SLC23A1: variants seen among roughly 807,000 people sequenced by gnomAD.
SLC23A1 encodes solute carrier family 23 member 1, also known as Na(+)/L-ascorbic acid transporter 1.
In SLC23A1, 31 loss-of-function variants were observed where a neutral mutation model predicts 62.5. The observed-to-expected ratio is 0.50, with a 90% CI of 0.37 to 0.67. SLC23A1 has a LOEUF of 0.67. SLC23A1 is among the 30% of genes least tolerant of loss of function. SLC23A1 has a pLI of 0.00. For missense variants in SLC23A1, 640 were observed against 782.7 expected (o/e 0.82, Z 2.18); for synonymous variants, 271 against 313.2 (o/e 0.87, Z 1.42).
upstream of SLC23A1, chr5:139,384,715 G>A (rs563972627): frequency 2.2e-4 from 218 of 985,334 alleles, no homozygotes; most frequent in Non-Finnish European, 2.5e-4. Context: ...TGGAGAACAC[G>A]GTCCCAGATC....
chr5:139,372,793 C>T (rs1167221455), intron 13 of SLC23A1, among the ~76,000 whole-genome samples: 4 of 152,090 alleles, frequency 2.6e-5, no homozygotes, highest in Middle Eastern at 3.2e-3. Context: ...CTATGTTGGT[C>T]AGGCTGGTCT....
Position 139,383,259 on chromosome 5 carries a change from G to A in SLC23A1, c.-6C>T, listed in dbSNP as rs779275919. The A allele has an allele frequency of 2.5e-6, 4 of 1,594,184 alleles. No individual in the cohort carries two copies. In the Admixed American group the frequency reaches 7.0e-5, roughly 28 times the overall value. ...AGGTCCTCCTGGGCCCTCATCTTTG[G>A]GGCACAGGTTTGAGCAGTTCCTGAG... On this transcript the variant is annotated 5_prime_UTR_variant, in exon 1 of 15. Transcript: ENST00000348729.
Position 139,379,376 on chromosome 5 carries a change from A to T in SLC23A1, c.926-22T>A, listed in dbSNP as rs541083735. ...TGACCTGTGCTCGGAGGGAGACAGG[A>T]TGGTGGCTACAGTGAGGAGACTGTG... On this transcript the variant is annotated intron_variant, in intron 8 of 14. Transcript: ENST00000348729. The surrounding 1 kb of genome is among the most constrained non-coding windows in gnomAD (Gnocchi z 4.7). 199 of 1,612,802 alleles carry T rather than the reference A, an allele frequency of 1.2e-4. 1 individual carries two copies. In the South Asian group the frequency reaches 2.0e-3, roughly 16 times the overall value.
intron 2 of SLC23A1, 187 bp downstream of exon 2, chr5:139,382,305 C>A: frequency 5.0e-6 from 3 of 600,650 alleles, no homozygotes; most frequent in Non-Finnish European, 8.9e-6. Context: ...TGGCAAGCGT[C>A]ACACTCCCCC....
intron 13 of SLC23A1, among the ~76,000 whole-genome samples, chr5:139,373,606 C>T (rs1757795593): frequency 6.6e-6 from 1 of 152,154 alleles, no homozygotes; most frequent in African/African-American, 2.4e-5. Flanking sequence ...TGGGAATTTC[C>T]ACTTGCTGGC....
upstream of SLC23A1, chr5:139,383,397 G>C (rs1014495080): frequency 6.9e-7 from 1 of 1,459,644 alleles, no homozygotes; most frequent in Middle Eastern, 2.1e-4. Flanking sequence ...GCGAAAGGGG[G>C]GCCCGGGCAG....
At chr5:139,371,623 G>A (rs1243105940) in intron 14 of SLC23A1, among the ~76,000 whole-genome samples, 1 of 152,246 alleles carries the variant, frequency 6.6e-6, no homozygotes, top group Non-Finnish European at 1.5e-5. Context: ...GCATATCAAA[G>A]TGATACTTGT....
chr5:139,375,538 T>G (rs750557724), intron 13 of SLC23A1, among the ~76,000 whole-genome samples: 14 of 152,002 alleles, frequency 9.2e-5, no homozygotes, highest in Admixed American at 2.0e-4. Context: ...ACCCCCATCT[T>G]AATTTAAAAA....
In SLC23A1 at chr5:139,383,082, C is replaced by G. The variant is rs544883527; in HGVS notation, c.36+136G>C. On this transcript the variant is annotated intron_variant, in intron 1 of 14. Coordinates refer to ENST00000348729, the MANE Select transcript of SLC23A1 (RefSeq NM_005847.5). ...ACCTCCACCCATCCCCCAGTTGCCA[C>G]ATTCAATTTGGGACAGTCACTCTTA... 6.8e-5 allele frequency: 42 copies of G among 618,668 alleles called. No individual in the cohort carries two copies. The South Asian group carries it at 1.0e-3, about 15-fold the overall frequency. 38.3% of individuals were successfully genotyped at this position (618,668 alleles called of 1,614,324 possible). A position where few individuals can be genotyped will look rare whatever the true frequency, so the allele number is the denominator to read the frequency against.
At chr5:139,380,922 G>C (rs1364725207) in intron 3 of SLC23A1, 36 bp from the exon 4 acceptor site, 1 of 780,940 alleles carries the variant, frequency 1.3e-6, no homozygotes. Flanking sequence ...GGGTGGGGAG[G>C]GGCGGGTGGG....
rs770748788 is a variant in SLC23A1, at chr5:139,377,420, G to C, written c.1531C>G (p.Leu511Val). The C allele has an allele frequency of 6.2e-7, 1 of 1,601,216 alleles. No homozygotes were observed. Among genetic ancestry groups the C allele is most frequent in the African/African-American group, 1.3e-5 (1 of 74,812 alleles). Reference sequence around the variant, plus strand: ...ACCATACCTGGCACTGTGTTGTCAAGTATGAAAGCAAGGCACCCGCCCACA... The same window carrying C: ...ACCATACCTGGCACTGTGTTGTCAACTATGAAAGCAAGGCACCCGCCCACA... ...MFVGGCLAFI[L>V]DNTVPGSPEE... The change falls in exon 13 of 15, where the codon CTT becomes GTT. Residue 511 changes from leucine (L) to valine (V), a missense_variant. By Grantham distance (32) the Leu-to-Val change is conservative. Transcript: ENST00000348729.
At chr5:139,384,543 T>C, upstream of SLC23A1, 7 of 1,289,318 alleles carry the variant, frequency 5.4e-6, no homozygotes, top group Non-Finnish European at 6.1e-6. Flanking sequence ...CCAAAGTTGC[T>C]GGACCAGTTT....
intron 13 of SLC23A1, among the ~76,000 whole-genome samples, chr5:139,372,776 G>A (rs1757744289): frequency 6.6e-6 from 1 of 151,924 alleles, no homozygotes. Context: ...GTAGAGACGG[G>A]GTGTCACTAT....
intron 14 of SLC23A1, among the ~76,000 whole-genome samples, chr5:139,368,253 T>C (rs1212230302): frequency 6.6e-6 from 1 of 151,520 alleles, no homozygotes; most frequent in Non-Finnish European, 1.5e-5. Flanking sequence ...GACAGGAGAA[T>C]GGTGTGAACC....
intron 14 of SLC23A1, chr5:139,369,030 G>A (rs913250478): frequency 1.4e-4 from 54 of 394,342 alleles, no homozygotes; most frequent in Non-Finnish European, 2.1e-4. Context: ...AGACAGCAAG[G>A]AAAGAAGCAC....
At position 139,378,170 on chromosome 5, in the gene SLC23A1, A is replaced by G. The variant is rs533126674; in HGVS notation, c.1309+52T>C. 1 of 1,613,270 alleles carries G rather than the reference A, an allele frequency of 6.2e-7. No homozygotes were observed. Among genetic ancestry groups the G allele is most frequent in the South Asian group, 1.1e-5 (1 of 91,002 alleles). On this transcript the variant is annotated intron_variant, in intron 11 of 14. Coordinates refer to ENST00000348729, the MANE Select transcript of SLC23A1 (RefSeq NM_005847.5). The surrounding 1 kb of genome is among the most constrained non-coding windows in gnomAD (Gnocchi z 4.5). ...GCGCCGCACACGCGTAATCCAGGTG[A>G]GTCCCACTCGGCGACCCGCACCGCG...
At chr5:139,383,305 C>A, upstream of SLC23A1, 1 of 1,602,986 alleles carries the variant, frequency 6.2e-7, no homozygotes, top group Non-Finnish European at 8.5e-7. Flanking sequence ...GATGACTTGA[C>A]AAAGGCCAAG....
intron 13 of SLC23A1, among the ~76,000 whole-genome samples, chr5:139,374,817 A>T (rs1757866317): frequency 6.6e-6 from 1 of 152,162 alleles, no homozygotes; most frequent in Non-Finnish European, 1.5e-5. Context: ...CTTCATGTAC[A>T]GATGCCTACC....
At chr5:139,382,100 G>A (rs755668006) in intron 2 of SLC23A1, 51 bp from the exon 3 acceptor site, 2 of 1,550,798 alleles carry the variant, frequency 1.3e-6, no homozygotes, top group Non-Finnish European at 1.8e-6. Context: ...CAGAGCTCCA[G>A]GGAGAGGGGA....
Sources: gnomAD v4.1 joint callset for allele counts (sites outside exome capture counted in the v4.1 genomes callset) on GRCh38, gnomAD v4.1.1 for gene constraint, Gnocchi (gnomAD v3.1) non-coding constraint, MANE v1.5 for transcripts, NCBI Gene and HGNC (gene_info 2026-07-23, HGNC 2026-07-21) for gene names.